Variants in RORA observed in about 807,000 individuals in gnomAD.
The protein encoded by RORA is nuclear receptor ROR-alpha.
RORA carries 7 observed loss-of-function variants against 69.5 expected under a neutral mutation model. That is an observed-to-expected ratio of 0.10 (90% CI 0.06 to 0.19). The LOEUF is 0.19. Among genes scored for constraint, RORA ranks in the 10% least tolerant of loss-of-function variants. The probability of loss-of-function intolerance (pLI) is 1.00; values close to 1 mark genes in which losing one functional copy is unlikely to be tolerated. For missense variants in RORA, 457 were observed against 663.0 expected (o/e 0.69, Z 3.41); for synonymous variants, 261 against 240.8 (o/e 1.08, Z -0.78).
intron 1 of RORA, among the ~76,000 whole-genome samples, chr15:60,899,358 G>T (rs1217444705): frequency 2.0e-5 from 3 of 152,186 alleles, no homozygotes; most frequent in East Asian, 1.9e-4. Context: ...CAACATGGAC[G>T]TGGTACCTTC....
chr15:60,549,202 G>A (rs2067160168), intron 2 of RORA, among the ~76,000 whole-genome samples: 1 of 152,270 alleles, frequency 6.6e-6, no homozygotes, highest in South Asian at 2.1e-4. Flanking sequence ...ATGATATAAC[G>A]TTAAAAAATA....
At chr15:61,122,354 A>G (rs1246420841) in intron 1 of RORA, among the ~76,000 whole-genome samples, 4 of 152,200 alleles carry the variant, frequency 2.6e-5, no homozygotes, top group African/African-American at 9.6e-5. Context: ...CTGCACACCA[A>G]CGGTCTTTTC....
At chr15:61,132,530 T>C (rs955453009) in intron 1 of RORA, among the ~76,000 whole-genome samples, 1 of 152,222 alleles carries the variant, frequency 6.6e-6, no homozygotes, top group African/African-American at 2.4e-5. Flanking sequence ...CAAGATACTT[T>C]AATAAGTAAG....
intron 1 of RORA, among the ~76,000 whole-genome samples, chr15:61,125,751 G>A (rs533464134): frequency 6.6e-6 from 1 of 152,090 alleles, no homozygotes; most frequent in Non-Finnish European, 1.5e-5. Context: ...AGGGTCAACA[G>A]GAATACACTT....
chr15:60,922,651 T>A (rs1294100328), intron 1 of RORA, among the ~76,000 whole-genome samples: 1 of 152,240 alleles, frequency 6.6e-6, no homozygotes, highest in Non-Finnish European at 1.5e-5. Flanking sequence ...TAATTCAATG[T>A]CTTAACAAAT....
At chr15:61,220,051 G>C (rs1167430280) in intron 1 of RORA, among the ~76,000 whole-genome samples, 3 of 152,172 alleles carry the variant, frequency 2.0e-5, no homozygotes, top group Non-Finnish European at 4.4e-5. Flanking sequence ...TATAGAAATT[G>C]CCCGGGTTCC....
rs2079002993 is a variant in RORA, at chr15:61,111,148, T to C, written c.166+117905A>G. On this transcript the variant is annotated intron_variant, in intron 1 of 10. Coordinates refer to ENST00000335670, the MANE Select transcript of RORA (RefSeq NM_134261.3). The stretch of plus-strand genomic sequence containing the variant: ...AGGCTGAATGGTTTGCAGGTCTCGA[T>C]TTGATTTTATTTTCTCTTTTTAAGG... Among the ~76,000 whole-genome samples, 3 of 152,230 alleles carry C rather than the reference T, an allele frequency of 2.0e-5. No homozygotes were observed. In the South Asian group the frequency reaches 6.2e-4, roughly 31 times the overall value.
intron 1 of RORA, among the ~76,000 whole-genome samples, chr15:61,033,318 CAG>C (rs1202269829): frequency 6.6e-6 from 1 of 152,010 alleles, no homozygotes; most frequent in Non-Finnish European, 1.5e-5. Flanking sequence ...TCAGATTGTT[CAG>C]AGAGGACTAA....
chr15:60,899,054 T>G (rs556308178), intron 1 of RORA, among the ~76,000 whole-genome samples: 1 of 152,206 alleles, frequency 6.6e-6, no homozygotes, highest in Admixed American at 6.5e-5. Context: ...ACCCTACTTA[T>G]GGAGGCAAAG....
intron 2 of RORA, among the ~76,000 whole-genome samples, chr15:60,586,403 C>A (rs1455434739): frequency 6.6e-6 from 1 of 151,998 alleles, no homozygotes; most frequent in Admixed American, 6.6e-5. Context: ...GGCAGAACCA[C>A]ACTTACAGCA....
intron 3 of RORA, among the ~76,000 whole-genome samples, chr15:60,519,054 C>T (rs988904467): frequency 2.0e-5 from 3 of 152,152 alleles, no homozygotes; most frequent in Admixed American, 6.5e-5. Context: ...GTTAATCTCT[C>T]ATTGTGCCTA....
rs141981202 is a variant in RORA at position 60,994,244 on chromosome 15, T to A, written c.166+234809A>T. 4.2e-3 allele frequency among the ~76,000 whole-genome samples: 645 copies of A among 152,310 alleles called. 9 individuals carry two copies. Among genetic ancestry groups the A allele is most frequent in the African/African-American group, 0.015 (617 of 41,574 alleles). ...AGAGAACAGAAGTGAATGGCACTAA[T>A]CCTGATGGGAAAAGCCCTCATAATT... On this transcript the variant is annotated intron_variant, in intron 1 of 10. Coordinates refer to ENST00000335670, the MANE Select transcript of RORA (RefSeq NM_134261.3).
chr15:60,953,748 TCTCACACCAG>T (rs1221544652), intron 1 of RORA, among the ~76,000 whole-genome samples: 1 of 151,896 alleles, frequency 6.6e-6, no homozygotes, highest in East Asian at 1.9e-4. Flanking sequence ...TGAGATACCA[TCTCACACCAG>T]TTAGAATGGC....
intron 1 of RORA, among the ~76,000 whole-genome samples, chr15:60,869,260 G>A (rs1233803621): frequency 6.6e-6 from 1 of 152,124 alleles, no homozygotes; most frequent in Non-Finnish European, 1.5e-5. Flanking sequence ...TAATAGGTAG[G>A]ACCTTTCCCA....
chr15:60,692,902 A>G (rs532686436), intron 1 of RORA, among the ~76,000 whole-genome samples: 48 of 152,316 alleles, frequency 3.2e-4, no homozygotes, highest in African/African-American at 1.1e-3. Flanking sequence ...TTCTTCTGAA[A>G]CTATTTTAAA....
chr15:61,035,804 C>T (rs1471216817), intron 1 of RORA, among the ~76,000 whole-genome samples: 1 of 152,182 alleles, frequency 6.6e-6, no homozygotes, highest in Non-Finnish European at 1.5e-5. Flanking sequence ...CATTTCTAAG[C>T]AACTGGGCAG....
intron 1 of RORA, among the ~76,000 whole-genome samples, chr15:60,835,812 G>A (rs1350342108): frequency 1.3e-5 from 2 of 152,248 alleles, no homozygotes; most frequent in African/African-American, 2.4e-5. Context: ...TAGATGACTG[G>A]CCTCTGTCAT....
At chr15:60,867,560 A>G (rs1230140945) in intron 1 of RORA, among the ~76,000 whole-genome samples, 1 of 152,202 alleles carries the variant, frequency 6.6e-6, no homozygotes, top group Non-Finnish European at 1.5e-5. Context: ...TTCATAGGCT[A>G]TATATTTGAC....
At chr15:60,831,245 A>G (rs772508100) in intron 1 of RORA, among the ~76,000 whole-genome samples, 4 of 152,156 alleles carry the variant, frequency 2.6e-5, no homozygotes, top group Non-Finnish European at 4.4e-5. Flanking sequence ...GACAGGGTCT[A>G]TTGAAACTTC....
Sources: gnomAD v4.1 joint callset for allele counts (sites outside exome capture counted in the v4.1 genomes callset) on GRCh38, gnomAD v4.1.1 for gene constraint, MANE v1.5 for transcripts, NCBI Gene and HGNC (gene_info 2026-07-23, HGNC 2026-07-21) for gene names.